The following NUP133 variants were observed in gnomAD, a reference collection of about 807,000 sequenced individuals.
NUP133 encodes the protein nucleoporin 133.
A neutral mutation model predicts 146.2 loss-of-function variants in NUP133; 66 were observed. The observed-to-expected ratio is 0.45, with a 90% CI of 0.37 to 0.55. The LOEUF is 0.55. Among genes scored for constraint, NUP133 ranks in the 20% least tolerant of loss-of-function variants. The pLI is 0.00. For synonymous variants in NUP133, 521 were observed against 498.8 expected (o/e 1.04, Z -0.59); for missense variants, 1,277 against 1,374.8 (o/e 0.93, Z 1.12).
chr1:229,487,734 A>G (rs1486473002), intron 9 of NUP133, 121 bp from the exon 10 acceptor site: 1 of 720,958 alleles, frequency 1.4e-6, no homozygotes, highest in African/African-American at 1.8e-5. Context: ...CTTTGTAAAA[A>G]TCTGAACACT....
At position 229,486,357 on chromosome 1, in the gene NUP133, T is replaced by G; in HGVS notation, c.1500+14A>C. The G allele has an allele frequency of 6.4e-7, 1 of 1,559,800 alleles. No homozygotes were observed. The highest frequency in any genetic ancestry group is 1.2e-5 in the South Asian group (1 of 82,318). ...ATAACATAAAAACTTCAAATTCTTA[T>G]CGAATCACATTACCTCACTGTTTGG... is the stretch of plus-strand genomic sequence containing the variant. On this transcript the variant is annotated intron_variant, in intron 11 of 25. Coordinates refer to ENST00000261396, the MANE Select transcript of NUP133 (RefSeq NM_018230.3).
chr1:229,462,559 T>C (rs934840461), intron 19 of NUP133, among the ~76,000 whole-genome samples: 3 of 151,628 alleles, frequency 2.0e-5, no homozygotes, highest in African/African-American at 7.3e-5. Flanking sequence ...AGTGTCACAA[T>C]GGAAATTTTT....
chr1:229,496,544 T>C (rs1304018237), intron 6 of NUP133, among the ~76,000 whole-genome samples: 2 of 152,094 alleles, frequency 1.3e-5, no homozygotes, highest in Non-Finnish European at 2.9e-5. Context: ...GTTGGATCTA[T>C]AGGAAGAAGG....
intron 25 of NUP133, 34 bp downstream of exon 25, chr1:229,444,880 G>A (rs761651078): frequency 7.0e-7 from 1 of 1,431,726 alleles, no homozygotes; most frequent in Admixed American, 1.9e-5. Context: ...GAATGACACT[G>A]TAATTTCCAA....
intron 25 of NUP133, among the ~76,000 whole-genome samples, chr1:229,443,126 T>G (rs558271046): frequency 6.6e-6 from 1 of 152,010 alleles, no homozygotes; most frequent in South Asian, 2.1e-4. Context: ...CCTTTGACCT[T>G]TCGAGCTCAA....
intron 17 of NUP133, 140 bp from the exon 18 acceptor site, chr1:229,465,015 T>C: frequency 1.0e-6 from 1 of 958,624 alleles, no homozygotes; most frequent in Non-Finnish European, 1.6e-6. Context: ...TACCTGTCAA[T>C]GCCCTGCTTG....
chr1:229,492,788 T>A (rs1052670907), intron 8 of NUP133, among the ~76,000 whole-genome samples: 2 of 151,936 alleles, frequency 1.3e-5, no homozygotes, highest in Non-Finnish European at 2.9e-5. Flanking sequence ...GGGTAAGGTA[T>A]AAAAGACTAC....
At chr1:229,467,907 G>A (rs1300614678) in intron 15 of NUP133, among the ~76,000 whole-genome samples, 1 of 142,924 alleles carries the variant, frequency 7.0e-6, no homozygotes, top group Non-Finnish European at 1.5e-5. Flanking sequence ...CCTGGCGACA[G>A]AGCAAGACTC....
intron 8 of NUP133, among the ~76,000 whole-genome samples, chr1:229,491,616 T>C (rs1661517411): frequency 6.6e-6 from 1 of 152,094 alleles, no homozygotes; most frequent in Non-Finnish European, 1.5e-5. Context: ...CCATCTCTAC[T>C]AAAATACAAA....
chr1:229,463,651 A>T lies in NUP133; in HGVS notation c.2577T>A (p.Ala859=), dbSNP rs1660746941. The change falls in exon 19 of 26, where the codon GCT becomes GCA. Residue 859 remains alanine (A), a synonymous_variant. Coordinates refer to ENST00000261396, the MANE Select transcript of NUP133 (RefSeq NM_018230.3). ...PLLSLGQYLW[A]ASLAEKYCDF... ...CACAGTATTTCTCTGCTAGAGAAGC[A>T]GCCCACAGGTACTGGCCTAGTGAAA... The T allele has an allele frequency of 6.2e-7, 1 of 1,613,990 alleles. No individual in the cohort carries two copies. Among genetic ancestry groups the T allele is most frequent in the Non-Finnish European group, 8.5e-7 (1 of 1,179,950 alleles).
intron 21 of NUP133, among the ~76,000 whole-genome samples, chr1:229,452,909 C>T (rs1405304498): frequency 2.0e-5 from 3 of 152,140 alleles, no homozygotes; most frequent in East Asian, 1.9e-4. Flanking sequence ...TAAGGAAATA[C>T]GTTCAATGCT....
intron 15 of NUP133, among the ~76,000 whole-genome samples, chr1:229,468,065 C>G (rs1280098020): frequency 6.6e-6 from 1 of 152,118 alleles, no homozygotes; most frequent in Non-Finnish European, 1.5e-5. Flanking sequence ...GCCGTGTCAA[C>G]ATAGTCTGTT....
chr1:229,490,027 T>C lies in NUP133; in HGVS notation c.1122A>G (p.Thr374=). The C allele has an allele frequency of 6.2e-7, 1 of 1,612,450 alleles. No individual in the cohort carries two copies. The change falls in exon 9 of 26, where the codon ACA becomes ACG. Residue 374 remains threonine (T), a synonymous_variant. Coordinates refer to ENST00000261396, the MANE Select transcript of NUP133 (RefSeq NM_018230.3). ...NPCLIYYSLI[T]IEDNGCQMSD... Reference sequence around the variant, plus strand: ...ACATTTGGCAACCATTATCTTCTATTGTTATCAGAGAGTAATAGATGAGAC... The same window carrying C: ...ACATTTGGCAACCATTATCTTCTATCGTTATCAGAGAGTAATAGATGAGAC...
At chr1:229,470,304 A>G (rs1363512400) in intron 15 of NUP133, among the ~76,000 whole-genome samples, 1 of 150,030 alleles carries the variant, frequency 6.7e-6, no homozygotes, top group Non-Finnish European at 1.5e-5. Flanking sequence ...AAAAAAAAAG[A>G]AGATCAGCAT....
intron 8 of NUP133, among the ~76,000 whole-genome samples, chr1:229,494,334 G>A (rs953568506): frequency 1.3e-5 from 2 of 151,958 alleles, no homozygotes; most frequent in African/African-American, 4.8e-5. Flanking sequence ...ACTGTAAAGG[G>A]GCCTATAATA....
At chr1:229,450,130 A>C (rs923843940) in intron 23 of NUP133, among the ~76,000 whole-genome samples, 1 of 150,872 alleles carries the variant, frequency 6.6e-6, no homozygotes, top group Non-Finnish European at 1.5e-5. Flanking sequence ...TCCCAACCTC[A>C]GGTGATCTGT....
At chr1:229,504,251 T>G (rs1017575939) in intron 2 of NUP133, among the ~76,000 whole-genome samples, 13 of 152,162 alleles carry the variant, frequency 8.5e-5, no homozygotes, top group Non-Finnish European at 1.3e-4. Context: ...CGAACAAAAT[T>G]TACTAAACAT....
In NUP133 at chr1:229,470,610, G is replaced by A. The variant is rs766875548; in HGVS notation, c.2046C>T (p.Asn682=). 7.4e-6 allele frequency: 12 copies of A among 1,614,076 alleles called. No homozygotes were observed. The highest frequency in any genetic ancestry group is 1.3e-5 in the African/African-American group (1 of 74,914). The stretch of plus-strand genomic sequence containing the variant: ...TGAAAAAGACATCTGCAGGAGTCAG[G>A]TTGGATGGGATTTCATACTCCCTCT... ...LNKREYEIPS[N]LTPADVFFRE... Residue 682 remains asparagine (N), a synonymous_variant, in exon 15 of 26, where the codon AAC becomes AAT. Coordinates refer to ENST00000261396, the MANE Select transcript of NUP133 (RefSeq NM_018230.3).
rs1571947377 is a variant in NUP133 at position 229,508,302 on chromosome 1, G to C, written c.-53C>G. ...CGAGGGATCTGGCCGTCAGGTTGCAGCCTGGCCTGCGCGCGGAACTTAAAC... is the reference window on the plus strand; with the variant it reads ...CGAGGGATCTGGCCGTCAGGTTGCACCCTGGCCTGCGCGCGGAACTTAAAC... On this transcript the variant is annotated 5_prime_UTR_variant, in exon 1 of 26. Transcript: ENST00000261396. 7.5e-7 allele frequency: 1 copy of C among 1,326,036 alleles called. No homozygotes were observed. The highest frequency in any genetic ancestry group is 9.8e-7 in the Non-Finnish European group (1 of 1,015,252). The allele number at this position is 1,326,036 out of a possible 1,614,324, so 82.1% of individuals were successfully genotyped here.
Sources: allele counts gnomAD v4.1 joint callset (sites outside exome capture counted in the v4.1 genomes callset), GRCh38; gene constraint gnomAD v4.1.1; transcripts MANE v1.5; gene names NCBI Gene and HGNC (gene_info 2026-07-23, HGNC 2026-07-21).